The following EYA4 variants were observed in gnomAD, a reference collection of about 807,000 sequenced individuals.
The protein encoded by EYA4 is EYA transcriptional coactivator and phosphatase 4.
EYA4 carries 31 observed loss-of-function variants against 87.9 expected under a neutral mutation model. The observed-to-expected ratio is 0.35, with a 90% confidence interval of 0.27 to 0.48. EYA4 has a LOEUF of 0.48. EYA4 is among the 20% of genes least tolerant of loss of function. The pLI is 0.99. For synonymous variants in EYA4, 263 were observed against 270.6 expected, an observed-to-expected ratio of 0.97 and a Z score of 0.28; for missense variants, 678 against 761.4, an observed-to-expected ratio of 0.89 and a Z score of 1.29.
chr6:133,309,178 T>C (rs1021965101), intron 2 of EYA4, among the ~76,000 whole-genome samples: 1 of 148,286 alleles, frequency 6.7e-6, no homozygotes, highest in Non-Finnish European at 1.5e-5. Context: ...TTTCCTTTAG[T>C]AGTTACTTTA....
chr6:133,325,645 T>G (rs1270429230), intron 2 of EYA4, among the ~76,000 whole-genome samples: 1 of 152,234 alleles, frequency 6.6e-6, no homozygotes, highest in Non-Finnish European at 1.5e-5. Context: ...TTTCACTGTT[T>G]GCATGCACTT....
At chr6:133,352,318 T>A (rs538176577) in intron 2 of EYA4, among the ~76,000 whole-genome samples, 1 of 152,148 alleles carries the variant, frequency 6.6e-6, no homozygotes, top group Non-Finnish European at 1.5e-5. Context: ...TACCATAGAT[T>A]TGACCAGTAA....
intron 1 of EYA4, among the ~76,000 whole-genome samples, chr6:133,246,596 T>A (rs1166835868): frequency 6.6e-6 from 1 of 152,166 alleles, no homozygotes; most frequent in East Asian, 1.9e-4. Flanking sequence ...TTAATGTAGA[T>A]GTCAAATATG....
chr6:133,515,194 G>A (rs1799485201), intron 16 of EYA4, 127 bp from the exon 17 acceptor site: 2 of 713,340 alleles, frequency 2.8e-6, no homozygotes, highest in African/African-American at 1.7e-5. Flanking sequence ...ACATAAATCT[G>A]TATCTCTCTG....
intron 2 of EYA4, among the ~76,000 whole-genome samples, chr6:133,345,137 C>T (rs1433444664): frequency 6.6e-6 from 1 of 151,900 alleles, no homozygotes; most frequent in Admixed American, 6.6e-5. Flanking sequence ...CTTATCTAGC[C>T]TTTTGAAATG....
intron 2 of EYA4, among the ~76,000 whole-genome samples, chr6:133,362,394 T>C (rs911450845): frequency 7.2e-5 from 11 of 152,186 alleles, no homozygotes; most frequent in Admixed American, 6.5e-5. Context: ...AGATTACCTA[T>C]TGGAAAATGA....
At position 133,456,602 on chromosome 6, in the gene EYA4, C is replaced by G. The variant is rs757784150; in HGVS notation, c.324C>G (p.Thr108=). The change falls in exon 6 of 20, where the codon ACC becomes ACG. Residue 108 remains threonine, a synonymous_variant. Coordinates refer to ENST00000355286, the MANE Select transcript of EYA4 (RefSeq NM_004100.5). ...VKTEPLNSSE[T]TATTGDGALD... is the part of the protein sequence containing the mutation. ...CAGAGCCCTTGAACAGCAGTGAAAC[C>G]ACAGCCACGACTGGAGATGGAGCGC... 2.5e-6 allele frequency: 4 copies of G among 1,613,636 alleles called. No homozygotes were observed. The East Asian group carries it at 8.9e-5, about 36-fold the overall frequency.
At chr6:133,368,542 C>G (rs1271834767) in intron 2 of EYA4, among the ~76,000 whole-genome samples, 1 of 152,146 alleles carries the variant, frequency 6.6e-6, no homozygotes, top group Admixed American at 6.5e-5. Flanking sequence ...ATTTATACCA[C>G]AATACTCAAC....
chr6:133,340,591 A>T (rs1252116671), intron 2 of EYA4, among the ~76,000 whole-genome samples: 3 of 152,182 alleles, frequency 2.0e-5, no homozygotes, highest in Admixed American at 2.0e-4. Context: ...GGAAGTGAGC[A>T]TTCCAGGGAA....
chr6:133,390,008 A>G (rs981715822), intron 3 of EYA4, among the ~76,000 whole-genome samples: 37 of 152,102 alleles, frequency 2.4e-4, no homozygotes, highest in Non-Finnish European at 4.0e-4. Flanking sequence ...AGCCTTTCTT[A>G]ATGACACTTT....
In EYA4 at chr6:133,309,870, C is replaced by T. The variant is rs555725117; in HGVS notation, c.33+35057C>T. 1.1e-4 allele frequency among the ~76,000 whole-genome samples: 17 copies of T among 152,224 alleles called. No individual in the cohort carries two copies. The South Asian group carries it at 2.7e-3, about 24-fold the overall frequency. The stretch of plus-strand genomic sequence containing the variant: ...TTGTGATTATGAAACAGTATTCTGT[C>T]CTGACGAAGAAGGTAGTGGGGAAAA... On this transcript the variant is annotated intron_variant, in intron 2 of 19. Transcript: ENST00000355286.
chr6:133,375,432 A>G (rs1315891061), intron 2 of EYA4, among the ~76,000 whole-genome samples: 1 of 151,908 alleles, frequency 6.6e-6, no homozygotes, highest in African/African-American at 2.4e-5. Flanking sequence ...TGCCTATTTC[A>G]TTTATTACAT....
chr6:133,270,881 T>A (rs150835402), intron 1 of EYA4, among the ~76,000 whole-genome samples: 348 of 152,214 alleles, frequency 2.3e-3, no homozygotes, highest in Middle Eastern at 6.8e-3. Flanking sequence ...ACAATGTAAC[T>A]CCCCTCTTAG....
At chr6:133,346,237 A>G (rs763331700) in intron 2 of EYA4, among the ~76,000 whole-genome samples, 3 of 152,206 alleles carry the variant, frequency 2.0e-5, no homozygotes, top group Non-Finnish European at 2.9e-5. Flanking sequence ...TTTAAATTCT[A>G]GATCTAAATA....
chr6:133,285,600 A>T (rs533587525), intron 2 of EYA4, among the ~76,000 whole-genome samples: 13 of 152,192 alleles, frequency 8.5e-5, no homozygotes, highest in Non-Finnish European at 1.8e-4. Context: ...GAGGCTTTTG[A>T]GCTTAGGTAT....
intron 3 of EYA4, among the ~76,000 whole-genome samples, chr6:133,403,547 T>C (rs576944465): frequency 6.6e-6 from 1 of 152,364 alleles, no homozygotes; most frequent in Admixed American, 6.5e-5. Flanking sequence ...ATAATGTTAA[T>C]TCCATATTAA....
intron 2 of EYA4, among the ~76,000 whole-genome samples, chr6:133,376,728 A>G (rs1172153779): frequency 6.6e-6 from 1 of 152,016 alleles, no homozygotes; most frequent in East Asian, 1.9e-4. Flanking sequence ...TATGAATGTA[A>G]TAGTCATAAT....
At chr6:133,327,737 A>G (rs1049244142) in intron 2 of EYA4, among the ~76,000 whole-genome samples, 16 of 152,316 alleles carry the variant, frequency 1.1e-4, no homozygotes, top group Middle Eastern at 3.4e-3. Context: ...AAAAATTCTC[A>G]GAAGTACACG....
chr6:133,429,854 TTTC>T (rs1307975425), intron 3 of EYA4, among the ~76,000 whole-genome samples: 2 of 152,150 alleles, frequency 1.3e-5, no homozygotes, highest in Non-Finnish European at 2.9e-5. Flanking sequence ...TTTCTTCAGT[TTTC>T]TTTTATTTTA....
Sources: gnomAD v4.1 joint callset for allele counts (sites outside exome capture counted in the v4.1 genomes callset) on GRCh38, gnomAD v4.1.1 for gene constraint, MANE v1.5 for transcripts, NCBI Gene and HGNC (gene_info 2026-07-23, HGNC 2026-07-21) for gene names.